Variants in MNS1 observed in about 807,000 individuals in gnomAD.
The protein encoded by MNS1 is meiosis specific nuclear structural 1, also known as meiosis-specific nuclear structural protein 1.
In MNS1, 63 loss-of-function variants were observed where a neutral mutation model predicts 72.0. That is an observed-to-expected ratio of 0.87 (90% CI 0.71 to 1.08). The LOEUF (loss-of-function observed/expected upper bound fraction) is 1.08, where lower values mean the gene tolerates loss of function less well. Among genes scored for constraint, MNS1 ranks in the 50% least tolerant of loss-of-function variants. The pLI is 0.00. For synonymous variants in MNS1, 188 were observed against 172.1 expected (o/e 1.09, Z -0.72); for missense variants, 604 against 562.4 (o/e 1.07, Z -0.75).
chr15:56,464,822 T>G, intron 1 of MNS1, 148 bp downstream of exon 1: 1 of 1,121,866 alleles, frequency 8.9e-7, no homozygotes, highest in Non-Finnish European at 1.3e-6. Context: ...TCCCTTCTAA[T>G]AGCACCTGAA....
intron 7 of MNS1, among the ~76,000 whole-genome samples, chr15:56,438,497 G>T (rs1287078200): frequency 6.6e-6 from 1 of 152,056 alleles, no homozygotes; most frequent in African/African-American, 2.4e-5. Context: ...ATTAATTCAG[G>T]ATGGATTAAA....
At chr15:56,429,355 A>AAGACTTTACATATAT in intron 9 of MNS1, 162 bp from the exon 10 acceptor site, 1 of 553,166 alleles carries the variant, frequency 1.8e-6, no homozygotes, top group Non-Finnish European at 3.1e-6. Flanking sequence ...TTCAAAAAAT[A>AAGACTTTACATATAT]AGACTTTACA....
chr15:56,444,719 T>A (rs773541436), intron 4 of MNS1, 46 bp from the exon 5 acceptor site: 1 of 1,409,810 alleles, frequency 7.1e-7, no homozygotes, highest in Non-Finnish European at 9.9e-7. Context: ...AATTTGAACA[T>A]AGTACGATAG....
At chr15:56,455,920 G>A (rs1266647756) in intron 3 of MNS1, among the ~76,000 whole-genome samples, 2 of 152,086 alleles carry the variant, frequency 1.3e-5, no homozygotes, top group Non-Finnish European at 2.9e-5. Context: ...AAAGAAGACA[G>A]ATGCATGAAG....
chr15:56,459,742 G>A (rs999844980), intron 2 of MNS1, among the ~76,000 whole-genome samples: 4 of 151,722 alleles, frequency 2.6e-5, no homozygotes, highest in African/African-American at 7.3e-5. Context: ...CACTTTGGGA[G>A]CACTTTGGGA....
chr15:56,444,725 G>A (rs771132809), intron 4 of MNS1, 52 bp from the exon 5 acceptor site: 75 of 1,394,498 alleles, frequency 5.4e-5, no homozygotes, highest in Non-Finnish European at 6.7e-5. Context: ...AACATAGTAC[G>A]ATAGTATATT....
intron 4 of MNS1, among the ~76,000 whole-genome samples, chr15:56,444,928 A>G (rs915790389): frequency 1.3e-5 from 2 of 152,028 alleles, no homozygotes; most frequent in African/African-American, 4.8e-5. Context: ...TAATAACTCC[A>G]CATTCAAAAA....
intron 4 of MNS1, among the ~76,000 whole-genome samples, chr15:56,446,465 ATAAAATTATCAAGTAGTTTACTCT>A (rs1314424734): frequency 2.0e-5 from 3 of 152,082 alleles, no homozygotes; most frequent in Admixed American, 2.0e-4. Flanking sequence ...AGTTTCCTAC[ATAAAATTATCAAGTAGTTTACTCT>A]TAAAAACATT....
At chr15:56,441,588 A>C (rs2050814917) in intron 7 of MNS1, among the ~76,000 whole-genome samples, 1 of 152,236 alleles carries the variant, frequency 6.6e-6, no homozygotes, top group African/African-American at 2.4e-5. Flanking sequence ...GAGTTTCTTC[A>C]CAGGAAATGA....
At chr15:56,454,408 A>G (rs2725845) in intron 3 of MNS1, among the ~76,000 whole-genome samples, 4,774 of 152,180 alleles carry the variant, frequency 0.031, 187 homozygotes, top group East Asian at 0.095. Flanking sequence ...ATTATTGACT[A>G]TAGTCACCCT....
At chr15:56,464,275 T>C (rs2051043798) in intron 1 of MNS1, 28 bp from the exon 2 acceptor site, 2 of 1,461,218 alleles carry the variant, frequency 1.4e-6, no homozygotes, top group East Asian at 2.3e-5. Flanking sequence ...AAAAGATGCA[T>C]ATTTTGATAT....
chr15:56,439,502 T>C (rs559976911), intron 7 of MNS1, among the ~76,000 whole-genome samples: 1 of 151,902 alleles, frequency 6.6e-6, no homozygotes. Flanking sequence ...CTGTGTAGTA[T>C]TGGTGGAGGG....
At chr15:56,445,140 C>T (rs909863961) in intron 4 of MNS1, among the ~76,000 whole-genome samples, 1 of 151,994 alleles carries the variant, frequency 6.6e-6, no homozygotes. Flanking sequence ...TTAAGTTTCT[C>T]CTAGCCTAAA....
Position 56,431,481 on chromosome 15 carries a change from C to G in MNS1, c.1287G>C (p.Glu429Asp). 1 of 1,613,724 alleles carries G rather than the reference C, an allele frequency of 6.2e-7. No homozygotes were observed. The highest frequency in any genetic ancestry group is 1.3e-5 in the African/African-American group (1 of 75,020). The change falls in exon 9 of 10, where the codon GAG becomes GAC. Residue 429 changes from glutamate to aspartate, a missense_variant. Transcript: ENST00000260453. ...CTTGCCGCCTTTGCTGCAACTGCCA[C>G]TCTTCTAGTTCACGTTGCTGGAAAT... is the stretch of plus-strand genomic sequence containing the variant. The part of the protein sequence containing the change: ...FLADKQRELE[E>D]WQLQQRRQGF...
chr15:56,437,798 CACA>C (rs761654137), intron 7 of MNS1, among the ~76,000 whole-genome samples: 1 of 152,164 alleles, frequency 6.6e-6, no homozygotes, highest in Non-Finnish European at 1.5e-5. Context: ...GTACAAAAAT[CACA>C]AGCATTCTTA....
intron 7 of MNS1, 90 bp from the exon 8 acceptor site, chr15:56,434,485 A>G: frequency 2.3e-6 from 3 of 1,329,820 alleles, no homozygotes; most frequent in Non-Finnish European, 3.1e-6. Flanking sequence ...TAAATTTAGT[A>G]TTACAATATG....
intron 7 of MNS1, among the ~76,000 whole-genome samples, chr15:56,441,968 C>T (rs553621877): frequency 7.5e-4 from 114 of 151,844 alleles, no homozygotes; most frequent in African/African-American, 2.6e-3. Context: ...TGCAGTGAGC[C>T]GAGATCACGC....
intron 2 of MNS1, among the ~76,000 whole-genome samples, chr15:56,462,742 G>A (rs1399658877): frequency 3.3e-5 from 5 of 152,188 alleles, no homozygotes; most frequent in Non-Finnish European, 5.9e-5. Flanking sequence ...AACTGTAAAA[G>A]CAGATTTTTG....
intron 7 of MNS1, among the ~76,000 whole-genome samples, chr15:56,438,159 A>T (rs1239147361): frequency 6.6e-6 from 1 of 152,130 alleles, no homozygotes; most frequent in Non-Finnish European, 1.5e-5. Flanking sequence ...CATTGCCAAG[A>T]CAATCCTAAG....
Sources: allele counts gnomAD v4.1 joint callset (sites outside exome capture counted in the v4.1 genomes callset), GRCh38; gene constraint gnomAD v4.1.1; transcripts MANE v1.5; gene names NCBI Gene and HGNC (gene_info 2026-07-23, HGNC 2026-07-21).